DSCAM: variants seen among roughly 807,000 people sequenced by gnomAD.
The protein encoded by DSCAM is cell adhesion molecule DSCAM.
Under a neutral mutation model 217.7 loss-of-function variants are expected in DSCAM, and 47 were observed. The ratio of observed to expected loss-of-function variants is 0.22; its 90% CI spans 0.17 to 0.28. The LOEUF (loss-of-function observed/expected upper bound fraction) is 0.28, where lower values mean the gene tolerates loss of function less well. DSCAM is among the 10% of genes least tolerant of loss of function. DSCAM has a pLI of 1.00. For synonymous variants in DSCAM, 1,056 were observed against 1,015.3 expected (o/e 1.04, Z -0.76); for missense variants, 2,080 against 2,618.3 (o/e 0.79, Z 4.49).
chr21:40,553,770 TCTG>T (rs994240114), intron 3 of DSCAM, among the ~76,000 whole-genome samples: 2 of 152,172 alleles, frequency 1.3e-5, no homozygotes, highest in Admixed American at 1.3e-4. Flanking sequence ...AAATTTTTCT[TCTG>T]AATTATTTTT....
intron 3 of DSCAM, among the ~76,000 whole-genome samples, chr21:40,541,654 G>C (rs1042665439): frequency 1.3e-5 from 2 of 152,036 alleles, no homozygotes; most frequent in Non-Finnish European, 2.9e-5. Flanking sequence ...ATATAAGTGC[G>C]TAAGTATATA....
At chr21:40,088,700 C>T (rs2089565516) in intron 21 of DSCAM, among the ~76,000 whole-genome samples, 2 of 152,192 alleles carry the variant, frequency 1.3e-5, no homozygotes, top group South Asian at 4.1e-4. Flanking sequence ...ATCAGATTTC[C>T]TGCATTGGTA....
In DSCAM at chr21:40,044,098, A is replaced by C; in HGVS notation, c.5363T>G (p.Val1788Gly). 6.2e-7 allele frequency: 1 copy of C among 1,613,812 alleles called. No individual in the cohort carries two copies. Among genetic ancestry groups the C allele is most frequent in the East Asian group, 2.2e-5 (1 of 44,880 alleles). ...CCTACCTGTGTCTTGCGAGGGGCTG[A>C]CGCTGTAACTGTCGCTCTCTTTGTC... ...SVDKESDSYS[V>G]SPSQDTDRAR... The change falls in exon 31 of 33, where the codon GTC becomes GGC. Residue 1788 changes from valine to glycine, a missense_variant. By Grantham distance (109) the Val-to-Gly change is moderately radical (BLOSUM62 -3). Coordinates refer to ENST00000400454, the MANE Select transcript of DSCAM (RefSeq NM_001389.5).
intron 20 of DSCAM, among the ~76,000 whole-genome samples, chr21:40,098,479 C>T (rs1369695250): frequency 6.6e-6 from 1 of 152,192 alleles, no homozygotes; most frequent in Admixed American, 6.5e-5. Context: ...AACTGCAGAA[C>T]AATGGCTCCA....
intron 11 of DSCAM, among the ~76,000 whole-genome samples, chr21:40,268,369 C>A (rs1268913604): frequency 6.6e-6 from 1 of 152,104 alleles, no homozygotes; most frequent in Non-Finnish European, 1.5e-5. Flanking sequence ...TAAGCAGTGA[C>A]CCCACAGTCA....
At chr21:40,673,622 G>A (rs1200091870) in intron 3 of DSCAM, among the ~76,000 whole-genome samples, 1 of 152,206 alleles carries the variant, frequency 6.6e-6, no homozygotes, top group Non-Finnish European at 1.5e-5. Context: ...AATGTTGGAA[G>A]TGGGGCCTGG....
intron 4 of DSCAM, among the ~76,000 whole-genome samples, chr21:40,357,282 G>A (rs2074703808): frequency 6.6e-6 from 1 of 152,224 alleles, no homozygotes; most frequent in Non-Finnish European, 1.5e-5. Flanking sequence ...ATCAAGTTAT[G>A]TTCCCATAGA....
chr21:40,269,106 T>C (rs1161829653), intron 11 of DSCAM, among the ~76,000 whole-genome samples: 1 of 152,176 alleles, frequency 6.6e-6, no homozygotes, highest in Non-Finnish European at 1.5e-5. Context: ...GAATTGGAGA[T>C]GCTGCTCTCT....
chr21:40,158,077 G>A (rs937166369), intron 16 of DSCAM, among the ~76,000 whole-genome samples: 6 of 152,128 alleles, frequency 3.9e-5, no homozygotes, highest in African/African-American at 1.2e-4. Flanking sequence ...AGGTATTTGC[G>A]AGGAGAATAT....
intron 3 of DSCAM, among the ~76,000 whole-genome samples, chr21:40,588,737 T>C (rs550431813): frequency 6.6e-6 from 1 of 152,358 alleles, no homozygotes; most frequent in East Asian, 1.9e-4. Flanking sequence ...GGTTGTTGTT[T>C]TTCTTTTTTT....
At chr21:40,820,047 G>A (rs2091912878) in intron 1 of DSCAM, among the ~76,000 whole-genome samples, 1 of 152,086 alleles carries the variant, frequency 6.6e-6, no homozygotes, top group Non-Finnish European at 1.5e-5. Context: ...ACTAAAAAAA[G>A]CTAGAACTAT....
intron 8 of DSCAM, among the ~76,000 whole-genome samples, chr21:40,336,324 A>G (rs2074430034): frequency 6.6e-6 from 1 of 152,226 alleles, no homozygotes; most frequent in Non-Finnish European, 1.5e-5. Flanking sequence ...TACAATTACA[A>G]TTGATGGTGT....
intron 3 of DSCAM, among the ~76,000 whole-genome samples, chr21:40,439,505 T>C (rs761032849): frequency 3.4e-4 from 52 of 152,296 alleles, no homozygotes; most frequent in Non-Finnish European, 6.3e-4. Flanking sequence ...ACTGAGTACT[T>C]AGGAAGCATG....
intron 3 of DSCAM, among the ~76,000 whole-genome samples, chr21:40,411,798 A>G (rs968306017): frequency 6.6e-6 from 1 of 152,190 alleles, no homozygotes; most frequent in Non-Finnish European, 1.5e-5. Flanking sequence ...GGGCAATTCT[A>G]CACATACAAA....
chr21:40,087,321 T>G, intron 21 of DSCAM, 34 bp from the exon 22 acceptor site: 1 of 1,535,622 alleles, frequency 6.5e-7, no homozygotes, highest in Non-Finnish European at 9.0e-7. Flanking sequence ...TCCTGATTAC[T>G]CCACAGACGT....
intron 3 of DSCAM, among the ~76,000 whole-genome samples, chr21:40,530,947 A>C (rs1340418073): frequency 7.8e-6 from 1 of 128,798 alleles, no homozygotes; most frequent in South Asian, 2.5e-4. Context: ...CCATCCATCC[A>C]TCCATCCATC....
intron 3 of DSCAM, among the ~76,000 whole-genome samples, chr21:40,565,301 T>C (rs2076756413): frequency 6.6e-6 from 1 of 152,122 alleles, no homozygotes; most frequent in African/African-American, 2.4e-5. Context: ...GAAGAGGAAG[T>C]TCTACTCTTA....
intron 32 of DSCAM, among the ~76,000 whole-genome samples, chr21:40,037,345 AG>A (rs1249158732): frequency 2.0e-5 from 3 of 149,854 alleles, no homozygotes; most frequent in Non-Finnish European, 4.4e-5. Context: ...AATGTACAAA[AG>A]TCACAAGCAT....
chr21:40,659,967 G>A (rs1274641430), intron 3 of DSCAM, among the ~76,000 whole-genome samples: 2 of 152,212 alleles, frequency 1.3e-5, no homozygotes, highest in East Asian at 1.9e-4. Context: ...AATAGCAAAT[G>A]GTGCATGCTG....
Sources: gnomAD v4.1 joint callset for allele counts (sites outside exome capture counted in the v4.1 genomes callset) on GRCh38, gnomAD v4.1.1 for gene constraint, MANE v1.5 for transcripts, NCBI Gene and HGNC (gene_info 2026-07-23, HGNC 2026-07-21) for gene names.